Variants in PRIMA1 observed in about 807,000 individuals in gnomAD.
The protein encoded by PRIMA1 is proline-rich membrane anchor 1.
In PRIMA1, 7 loss-of-function variants were observed where a neutral mutation model predicts 17.5. The observed-to-expected ratio is 0.40, with a 90% confidence interval of 0.23 to 0.75. PRIMA1 has a LOEUF of 0.75. PRIMA1 is among the 30% of genes least tolerant of loss of function. The pLI is 0.37. For missense variants in PRIMA1, 200 were observed against 201.8 expected, an observed-to-expected ratio of 0.99 and a Z score of 0.05; for synonymous variants, 97 against 77.9, an observed-to-expected ratio of 1.25 and a Z score of -1.29.
chr14:93,753,031 G>T (rs1209917496), intron 3 of PRIMA1, among the ~76,000 whole-genome samples: 1 of 152,102 alleles, frequency 6.6e-6, no homozygotes, highest in African/African-American at 2.4e-5. Flanking sequence ...GCGATGACCA[G>T]ATGTCCCCTG....
chr14:93,785,025 G>A (rs1335206750), intron 2 of PRIMA1, among the ~76,000 whole-genome samples: 1 of 151,978 alleles, frequency 6.6e-6, no homozygotes, highest in Non-Finnish European at 1.5e-5. Flanking sequence ...GACCCATAAG[G>A]CCAGATAAGA....
chr14:93,743,261 C>T (rs2141165577), intron 3 of PRIMA1, among the ~76,000 whole-genome samples: 1 of 152,312 alleles, frequency 6.6e-6, no homozygotes, highest in Middle Eastern at 3.4e-3. Context: ...GCTGGTGACA[C>T]CATGGGCATG....
chr14:93,752,638 C>T (rs2076267224), intron 3 of PRIMA1, among the ~76,000 whole-genome samples: 1 of 152,190 alleles, frequency 6.6e-6, no homozygotes, highest in Non-Finnish European at 1.5e-5. Flanking sequence ...TATCCAAAGA[C>T]AATTTCTGTG....
intron 3 of PRIMA1, among the ~76,000 whole-genome samples, chr14:93,769,900 G>A (rs902474081): frequency 9.9e-5 from 15 of 152,140 alleles, no homozygotes; most frequent in Admixed American, 4.6e-4. Flanking sequence ...CTGAGCCACC[G>A]CCTTCCTTGC....
intron 3 of PRIMA1, among the ~76,000 whole-genome samples, chr14:93,739,057 CTT>C (rs111634756): frequency 2.8e-5 from 4 of 145,210 alleles, no homozygotes; most frequent in African/African-American, 2.5e-5. Flanking sequence ...TTTTTTCTTT[CTT>C]TTTTTTTTTT....
chr14:93,750,614 G>A (rs1391993910), intron 3 of PRIMA1, among the ~76,000 whole-genome samples: 3 of 152,148 alleles, frequency 2.0e-5, no homozygotes, highest in Non-Finnish European at 4.4e-5. Context: ...CCTTGTCCAT[G>A]GAAGTCTGTA....
At position 93,721,456 on chromosome 14, in the gene PRIMA1, G is replaced by A. The variant is rs756623642; in HGVS notation, c.450C>T (p.Asn150=). 23 of 1,611,518 alleles carry A rather than the reference G, an allele frequency of 1.4e-5. No homozygotes were observed. Among genetic ancestry groups the A allele is most frequent in the Middle Eastern group, 1.7e-4 (1 of 6,014 alleles). The change falls in exon 5 of 5, where the codon AAC becomes AAT. Residue 150 remains asparagine, a synonymous_variant. Transcript: ENST00000393140. Reference sequence around the variant, plus strand: ...AGGGCCTGCAGACTCACACCACTGCGTTGTTCACGTCTACTCCTTTGTTGC... The same window carrying A: ...AGGGCCTGCAGACTCACACCACTGCATTGTTCACGTCTACTCCTTTGTTGC... ...SQSNKGVDVN[N]AVV is the part of the protein sequence containing the mutation.
chr14:93,726,703 A>G lies in PRIMA1; in HGVS notation c.360-5157T>C, dbSNP rs548748466. On this transcript the variant is annotated intron_variant, in intron 4 of 4. Coordinates refer to ENST00000393140, the MANE Select transcript of PRIMA1 (RefSeq NM_178013.4). This position sits in a 1 kb window ranked among gnomAD's most constrained non-coding sequence, Gnocchi z 4.2. ...GACACATGTACATATGCACAAACCC[A>G]TACAAACATGTACTTACACACACAC... Among the ~76,000 whole-genome samples the G allele has an allele frequency of 6.6e-6, 1 of 152,188 alleles. No homozygotes were observed. Among genetic ancestry groups the G allele is most frequent in the South Asian group, 2.1e-4 (1 of 4,822 alleles).
chr14:93,757,002 T>C (rs556553652), intron 3 of PRIMA1, among the ~76,000 whole-genome samples: 3 of 152,314 alleles, frequency 2.0e-5, no homozygotes, highest in African/African-American at 7.2e-5. Flanking sequence ...CAAAGGCTTC[T>C]TACCAGAGAT....
In PRIMA1 at chr14:93,737,363, G is replaced by C; in HGVS notation, c.237C>G (p.Asn79Lys). 6.2e-7 allele frequency: 1 copy of C among 1,613,986 alleles called. No homozygotes were observed. Among genetic ancestry groups the C allele is most frequent in the Non-Finnish European group, 8.5e-7 (1 of 1,179,950 alleles). The change falls in exon 4 of 5, where the codon AAC (asparagine) becomes AAG (lysine). Residue 79 changes from asparagine to lysine, a missense_variant. Physicochemically the swap from Asn to Lys is moderately conservative, Grantham distance 94 (BLOSUM62 0). Coordinates refer to ENST00000393140, the MANE Select transcript of PRIMA1 (RefSeq NM_178013.4). ...TTTCCTCAGTGGGGCAAGAGGTAGA[G>C]TTGGGAGCTGAAAAAGACAGGAGCA... ...PPRLLSAPAP[N>K]STSCPTEESW...
chr14:93,752,863 G>A (rs558465552), intron 3 of PRIMA1, among the ~76,000 whole-genome samples: 11 of 152,314 alleles, frequency 7.2e-5, no homozygotes, highest in African/African-American at 2.6e-4. Context: ...CAATGGGAGT[G>A]GTGACCTTGG....
intron 3 of PRIMA1, among the ~76,000 whole-genome samples, chr14:93,754,287 T>C (rs377455712): frequency 2.0e-5 from 3 of 151,978 alleles, no homozygotes; most frequent in East Asian, 1.9e-4. Context: ...AATTGTGGAG[T>C]TGGGATTCTG....
chr14:93,779,344 G>C, intron 2 of PRIMA1, 33 bp from the exon 3 acceptor site: 1 of 1,524,006 alleles, frequency 6.6e-7, no homozygotes, highest in South Asian at 1.3e-5. Context: ...CCAAGAGAGA[G>C]AGAAGACCAT....
intron 3 of PRIMA1, among the ~76,000 whole-genome samples, chr14:93,759,313 T>G (rs922874048): frequency 3.9e-5 from 6 of 152,160 alleles, no homozygotes; most frequent in Non-Finnish European, 8.8e-5. Flanking sequence ...CCGGTAGTGC[T>G]TACTCCCTAG....
chr14:93,773,323 C>T (rs1885120766), intron 3 of PRIMA1, among the ~76,000 whole-genome samples: 2 of 152,358 alleles, frequency 1.3e-5, no homozygotes, highest in Admixed American at 1.3e-4. Flanking sequence ...AGGGCTGGGG[C>T]TGGCCCCAAA....
intron 3 of PRIMA1, among the ~76,000 whole-genome samples, chr14:93,744,448 G>A (rs2076203857): frequency 6.6e-6 from 1 of 152,240 alleles, no homozygotes; most frequent in Non-Finnish European, 1.5e-5. Context: ...GGCTGGGGGA[G>A]GTCTGGAGAG....
intron 3 of PRIMA1, among the ~76,000 whole-genome samples, chr14:93,777,793 G>A (rs1398557499): frequency 2.0e-5 from 3 of 152,248 alleles, no homozygotes; most frequent in Non-Finnish European, 4.4e-5. Context: ...TGGGAGGGCT[G>A]AGATTCCAGA....
At chr14:93,786,200 A>T (rs1157094901) in intron 2 of PRIMA1, among the ~76,000 whole-genome samples, 1 of 152,250 alleles carries the variant, frequency 6.6e-6, no homozygotes, top group African/African-American at 2.4e-5. Context: ...TGAACAAGCG[A>T]AGCTGGTCCC....
At chr14:93,731,761 T>C (rs2076115991) in intron 4 of PRIMA1, among the ~76,000 whole-genome samples, 1 of 152,226 alleles carries the variant, frequency 6.6e-6, no homozygotes, top group Non-Finnish European at 1.5e-5. Flanking sequence ...TCTTGTTTCT[T>C]CTGCATCCCT....
Sources: gnomAD v4.1 joint callset for allele counts (sites outside exome capture counted in the v4.1 genomes callset) on GRCh38, gnomAD v4.1.1 for gene constraint, Gnocchi (gnomAD v3.1) non-coding constraint, MANE v1.5 for transcripts, NCBI Gene and HGNC (gene_info 2026-07-23, HGNC 2026-07-21) for gene names.